SYTL2: variants seen among roughly 807,000 people sequenced by gnomAD.
SYTL2 encodes the protein synaptotagmin-like protein 2.
SYTL2 carries 165 observed loss-of-function variants against 198.7 expected under a neutral mutation model. That is an observed-to-expected ratio of 0.83 (90% confidence interval 0.73 to 0.94). The LOEUF is 0.94. Among genes scored for constraint, SYTL2 ranks in the 40% least tolerant of loss-of-function variants. The pLI is 0.00. For synonymous variants in SYTL2, 966 were observed against 917.7 expected, an observed-to-expected ratio of 1.05 and a Z score of -0.95; for missense variants, 2,835 against 2,582.8, an observed-to-expected ratio of 1.10 and a Z score of -2.12.
the SYTL2 span, among the ~76,000 whole-genome samples, chr11:85,819,117 T>C: frequency 6.6e-6 from 1 of 152,202 alleles, no homozygotes; most frequent in East Asian, 1.9e-4. Flanking sequence ...GTCATAATTT[T>C]CATATCAATT....
intron 17 of SYTL2, among the ~76,000 whole-genome samples, chr11:85,698,898 G>GGGCAGATAGTT (rs760522295): frequency 6.6e-6 from 1 of 152,174 alleles, no homozygotes; most frequent in Non-Finnish European, 1.5e-5. Context: ...TTAATATTAT[G>GGGCAGATAGTT]GGCAGATAGT....
intron 8 of SYTL2, among the ~76,000 whole-genome samples, chr11:85,722,171 T>C (rs1217475006): frequency 1.1e-5 from 1 of 87,648 alleles, no homozygotes; most frequent in Non-Finnish European, 2.2e-5. Context: ...GTTTAGGTGA[T>C]TTTTTTTTTT....
chr11:85,757,505 T>C lies in SYTL2; in HGVS notation c.101+120A>G, dbSNP rs2091934247. 2.7e-6 allele frequency: 3 copies of C among 1,116,192 alleles called. No homozygotes were observed. In the Admixed American group the frequency reaches 6.8e-5, roughly 25 times the overall value. 69.1% of individuals were successfully genotyped at this position (1,116,192 alleles called of 1,614,324 possible). A position where few individuals can be genotyped will look rare whatever the true frequency, so the allele number is the denominator to read the frequency against. ...CCAGGAAGTAAACCTAAAATTGGAA[T>C]CCATAAATTCAGTCTTCGAGTCAGA... is the stretch of plus-strand genomic sequence containing the variant. On this transcript the variant is annotated intron_variant, in intron 2 of 19. Transcript: ENST00000359152.
chr11:85,790,163 A>T (rs1000955639), intron 1 of SYTL2, among the ~76,000 whole-genome samples: 7 of 152,206 alleles, frequency 4.6e-5, no homozygotes, highest in Admixed American at 3.9e-4. Context: ...ACACTGAATC[A>T]TCAGAAAGTG....
the SYTL2 span, among the ~76,000 whole-genome samples, chr11:85,833,294 TTATATCATA>T: frequency 7.9e-3 from 1,179 of 148,548 alleles, 5 homozygotes; most frequent in Admixed American, 9.2e-3. Context: ...GGGTACATCA[TTATATCATA>T]TATATCATAT....
Position 85,726,139 on chromosome 11 carries a change from T to G in SYTL2, c.3219A>C (p.Pro1073=), listed in dbSNP as rs1483377021. 1.2e-6 allele frequency: 2 copies of G among 1,614,094 alleles called. No individual in the cohort carries two copies. Among genetic ancestry groups the G allele is most frequent in the African/African-American group, 2.7e-5 (2 of 75,068 alleles). ...GCAACTGATAAGTATACTTTCTAAG[T>G]GGACTCAAAGGAAATGTGATTTCAT... is the stretch of plus-strand genomic sequence containing the variant. ...LPDEITFPLS[P]LRKYTYQLPG... The change falls in exon 8 of 20, where the codon CCA becomes CCC. Residue 1073 remains proline, a synonymous_variant. Transcript: ENST00000359152.
intron 4 of SYTL2, 87 bp from the exon 5 acceptor site, chr11:85,737,743 G>C: frequency 9.5e-7 from 1 of 1,049,478 alleles, no homozygotes; most frequent in Non-Finnish European, 1.4e-6. Context: ...GCTATCAGCA[G>C]GCTAGGAGAG....
rs531081370 is a variant in SYTL2, at chr11:85,747,053, A to G, written c.253+1219T>C. Among the ~76,000 whole-genome samples the G allele has an allele frequency of 1.6e-4, 24 of 152,372 alleles. 1 individual carries two copies. In the South Asian group the frequency reaches 3.9e-3, roughly 25 times the overall value. On this transcript the variant is annotated intron_variant, in intron 3 of 19. Transcript: ENST00000359152. ...ATGATGGCTATTTTCCTTATTGAGT[A>G]CAGGGTAGACCTTGACAAGGCTTTA...
chr11:85,759,303 A>T (rs1009446469), intron 1 of SYTL2, among the ~76,000 whole-genome samples: 6 of 151,982 alleles, frequency 3.9e-5, no homozygotes, highest in African/African-American at 1.5e-4. Context: ...TAAGAATAAA[A>T]CAGTATGTAC....
chr11:85,756,537 T>C (rs1383368937), intron 2 of SYTL2, among the ~76,000 whole-genome samples: 1 of 152,112 alleles, frequency 6.6e-6, no homozygotes, highest in African/African-American at 2.4e-5. Flanking sequence ...ATTGGGCGAG[T>C]CACCTGACTT....
intron 1 of SYTL2, among the ~76,000 whole-genome samples, chr11:85,759,311 T>A (rs572682968): frequency 1.2e-3 from 184 of 151,586 alleles, no homozygotes; most frequent in African/African-American, 4.0e-3. Flanking sequence ...AAACAGTATG[T>A]ACATTAGTGA....
the SYTL2 span, among the ~76,000 whole-genome samples, chr11:85,823,168 T>C: frequency 1.3e-5 from 2 of 152,248 alleles, no homozygotes; most frequent in Non-Finnish European, 2.9e-5. Flanking sequence ...GGCAGAAACA[T>C]TGTCTTTTTC....
intron 2 of SYTL2, among the ~76,000 whole-genome samples, chr11:85,754,885 A>T (rs993157482): frequency 1.3e-5 from 2 of 152,188 alleles, no homozygotes; most frequent in African/African-American, 2.4e-5. Context: ...TGAGCAGAAT[A>T]GAGCAGAGGG....
At chr11:85,732,412 A>G (rs1223204511) in intron 7 of SYTL2, among the ~76,000 whole-genome samples, 1 of 152,192 alleles carries the variant, frequency 6.6e-6, no homozygotes, top group Non-Finnish European at 1.5e-5. Context: ...CTATGCCACC[A>G]CAAAAAAGGA....
chr11:85,696,038 T>C, intron 19 of SYTL2, 145 bp downstream of exon 19: 1 of 656,250 alleles, frequency 1.5e-6, no homozygotes, highest in African/African-American at 1.8e-5. Flanking sequence ...TGACATTTCT[T>C]TACTCATTTA....
chr11:85,708,535 C>T (rs1314130616), intron 14 of SYTL2, among the ~76,000 whole-genome samples: 1 of 152,064 alleles, frequency 6.6e-6, no homozygotes, highest in Non-Finnish European at 1.5e-5. Context: ...AGTAATTTCC[C>T]CTAAAGTTCT....
the SYTL2 span, among the ~76,000 whole-genome samples, chr11:85,836,323 T>C: frequency 2.6e-5 from 4 of 152,160 alleles, no homozygotes; most frequent in African/African-American, 9.6e-5. Flanking sequence ...TCTTTTTGGA[T>C]TTACACCACA....
chr11:85,839,866 C>T, the SYTL2 span, among the ~76,000 whole-genome samples: 1 of 152,160 alleles, frequency 6.6e-6, no homozygotes, highest in Admixed American at 6.5e-5. Context: ...CCAAACTGTT[C>T]TCCATAGTGG....
Position 85,726,114 on chromosome 11 carries a change from G to C in SYTL2, c.3244C>G (p.Pro1082Ala), listed in dbSNP as rs1411266984. The C allele has an allele frequency of 3.7e-6, 6 of 1,613,846 alleles. No individual in the cohort carries two copies. The highest frequency in any genetic ancestry group is 4.2e-6 in the Non-Finnish European group (5 of 1,179,934). Reference protein sequence around the residue: ...SPLRKYTYQLPGNESSKENVE... With the variant: ...SPLRKYTYQLAGNESSKENVE... ...TTTTCCTTTGATGACTCATTTCCTG[G>C]CAACTGATAAGTATACTTTCTAAGT... Residue 1082 changes from proline to alanine, a missense_variant, in exon 8 of 20, where the codon CCA (proline) becomes GCA (alanine). Pro to Ala is a conservative substitution (Grantham distance 27, BLOSUM62 -1). Coordinates refer to ENST00000359152, the MANE Select transcript of SYTL2 (RefSeq NM_206927.4).
Sources: allele counts gnomAD v4.1 joint callset (sites outside exome capture counted in the v4.1 genomes callset), GRCh38; gene constraint gnomAD v4.1.1; transcripts MANE v1.5; gene names NCBI Gene and HGNC (gene_info 2026-07-23, HGNC 2026-07-21).